Variants in PLOD2 observed in about 807,000 individuals in gnomAD.
PLOD2 encodes the protein lysine hydroxylase 2.
A neutral mutation model predicts 101.0 loss-of-function variants in PLOD2; 65 were observed. The observed-to-expected ratio is 0.64, with a 90% CI of 0.53 to 0.79. PLOD2 has a LOEUF of 0.79. PLOD2 is among the 30% of genes least tolerant of loss of function. PLOD2 has a pLI of 0.00. For synonymous variants in PLOD2, 314 were observed against 302.9 expected, an observed-to-expected ratio of 1.04 and a Z score of -0.38; for missense variants, 909 against 914.6, an observed-to-expected ratio of 0.99 and a Z score of 0.08.
At chr3:146,086,730 T>TA in intron 10 of PLOD2, 57 bp downstream of exon 10, 1 of 1,212,100 alleles carries the variant, frequency 8.3e-7, no homozygotes, top group Non-Finnish European at 1.1e-6. Context: ...AGTTTATTTT[T>TA]TCTTAACGTT....
intron 3 of PLOD2, among the ~76,000 whole-genome samples, chr3:146,120,781 G>C (rs1375806082): frequency 2.6e-5 from 4 of 152,096 alleles, no homozygotes; most frequent in Non-Finnish European, 5.9e-5. Flanking sequence ...ATGGAGTAGA[G>C]TGGCGCAATC....
intron 1 of PLOD2, among the ~76,000 whole-genome samples, chr3:146,153,387 G>T (rs2032156776): frequency 6.6e-6 from 1 of 152,292 alleles, no homozygotes; most frequent in African/African-American, 2.4e-5. Context: ...ACCTGTTAGA[G>T]AATGCATTTT....
At chr3:146,145,437 C>A (rs1247678412) in intron 1 of PLOD2, among the ~76,000 whole-genome samples, 1 of 152,030 alleles carries the variant, frequency 6.6e-6, no homozygotes, top group Non-Finnish European at 1.5e-5. Context: ...TAAATAAATA[C>A]CATGTGTAGT....
At chr3:146,098,265 T>C (rs1046460476) in intron 7 of PLOD2, among the ~76,000 whole-genome samples, 3 of 152,218 alleles carry the variant, frequency 2.0e-5, no homozygotes, top group Non-Finnish European at 4.4e-5. Flanking sequence ...TATTGTTTGA[T>C]ATTTAAAAGA....
At position 146,086,882 on chromosome 3, in the gene PLOD2, C is replaced by T. The variant is rs550149630; in HGVS notation, c.1032G>A (p.Lys344=). ...NKEVYHEKDI[K]VFFDKAKHEI... ...CATGCTTAGCTTTATCAAAAAATAC[C>T]TTGATGTCCTTTTCATGATAAACTT... The change falls in exon 10 of 20, where the codon AAG becomes AAA. Residue 344 remains lysine (K), a synonymous_variant. Coordinates refer to ENST00000282903, the MANE Select transcript of PLOD2 (RefSeq NM_182943.3). 11 of 1,511,400 alleles carry T rather than the reference C, an allele frequency of 7.3e-6. No individual in the cohort carries two copies. In the East Asian group the frequency reaches 2.1e-4, roughly 28 times the overall value. The allele number at this position is 1,511,400 out of a possible 1,614,324, so 93.6% of individuals were successfully genotyped here. A position where few individuals can be genotyped will look rare whatever the true frequency, so the allele number is the denominator to read the frequency against.
At chr3:146,113,910 G>A (rs555638397) in intron 3 of PLOD2, among the ~76,000 whole-genome samples, 6 of 152,234 alleles carry the variant, frequency 3.9e-5, no homozygotes, top group East Asian at 1.9e-4. Context: ...GAGAAATATC[G>A]CTGAATTCTT....
chr3:146,084,548 T>A (rs937526313), intron 11 of PLOD2, among the ~76,000 whole-genome samples: 4 of 152,134 alleles, frequency 2.6e-5, no homozygotes, highest in African/African-American at 9.7e-5. Context: ...TGGCACTTAA[T>A]AAGCACTTGT....
intron 3 of PLOD2, among the ~76,000 whole-genome samples, chr3:146,114,162 C>A (rs965227514): frequency 6.6e-6 from 1 of 152,046 alleles, no homozygotes; most frequent in Non-Finnish European, 1.5e-5. Context: ...ACAATGCATA[C>A]CCGAAATTTC....
chr3:146,152,374 T>C (rs1161535726), intron 1 of PLOD2, among the ~76,000 whole-genome samples: 2 of 151,822 alleles, frequency 1.3e-5, no homozygotes, highest in Non-Finnish European at 2.9e-5. Context: ...GAGCCGAGAT[T>C]GCACCACTCC....
chr3:146,098,083 G>A (rs1295844040), intron 7 of PLOD2, among the ~76,000 whole-genome samples: 1 of 151,988 alleles, frequency 6.6e-6, no homozygotes, highest in Non-Finnish European at 1.5e-5. Context: ...GAGGGCATTA[G>A]GACAAATACA....
chr3:146,124,997 A>G (rs2030466765), intron 1 of PLOD2, among the ~76,000 whole-genome samples: 2 of 152,168 alleles, frequency 1.3e-5, no homozygotes, highest in African/African-American at 4.8e-5. Flanking sequence ...AAGCTACTAC[A>G]GATAATGATT....
chr3:146,143,186 T>C (rs774657082), intron 1 of PLOD2, among the ~76,000 whole-genome samples: 41 of 151,966 alleles, frequency 2.7e-4, no homozygotes, highest in Non-Finnish European at 5.1e-4. Context: ...AATAAACATT[T>C]AGATAACATT....
intron 3 of PLOD2, among the ~76,000 whole-genome samples, chr3:146,116,739 C>T (rs993715734): frequency 6.6e-6 from 1 of 152,046 alleles, no homozygotes; most frequent in Admixed American, 6.6e-5. Flanking sequence ...AAGCCATGCA[C>T]AAAAAGACAG....
intron 7 of PLOD2, among the ~76,000 whole-genome samples, chr3:146,099,880 CTTTTTTT>C (rs5853264): frequency 1.5e-5 from 2 of 129,280 alleles, no homozygotes; most frequent in African/African-American, 5.8e-5. Flanking sequence ...CAGTGACCAA[CTTTTTTT>C]TTTTTTTTTT....
chr3:146,128,880 C>CT lies in PLOD2; in HGVS notation c.110-4652dup, dbSNP rs3975816. 2.2e-3 allele frequency among the ~76,000 whole-genome samples: 162 copies of CT among 73,242 alleles called. 10 individuals carry two copies. Among genetic ancestry groups the CT allele is most frequent in the African/African-American group, 3.3e-3 (62 of 18,538 alleles). 48.0% of individuals were successfully genotyped at this position (73,242 alleles called of 152,430 possible). ...CAGCTTCTGAAGTCCATCTGAAATCCTTTTTTTTTTTTTTTTTTTTTTTTT... is the reference window on the plus strand; with the variant it reads ...CAGCTTCTGAAGTCCATCTGAAATCCTTTTTTTTTTTTTTTTTTTTTTTTTT... On this transcript the variant is annotated intron_variant, in intron 1 of 19. Transcript: ENST00000282903.
At chr3:146,132,812 CA>C (rs902937339) in intron 1 of PLOD2, among the ~76,000 whole-genome samples, 2 of 151,480 alleles carry the variant, frequency 1.3e-5, no homozygotes, top group Non-Finnish European at 2.9e-5. Flanking sequence ...GATTATACTG[CA>C]AAAAAAATCA....
intron 8 of PLOD2, 59 bp downstream of exon 8, chr3:146,091,741 G>T: frequency 1.0e-6 from 1 of 958,032 alleles, no homozygotes; most frequent in Non-Finnish European, 1.7e-6. Context: ...ATAAATCACA[G>T]TATTTCATGA....
chr3:146,120,200 T>G (rs2029997966), intron 3 of PLOD2, among the ~76,000 whole-genome samples: 1 of 152,234 alleles, frequency 6.6e-6, no homozygotes, highest in South Asian at 2.1e-4. Context: ...CCAGTGATGA[T>G]GAGCATTTTT....
chr3:146,085,656 T>C (rs756035196), intron 10 of PLOD2: 36 of 235,830 alleles, frequency 1.5e-4, no homozygotes, highest in African/African-American at 4.5e-4. Context: ...GATGTAAGTA[T>C]ATGACTTTTC....
Sources: allele counts gnomAD v4.1 joint callset (sites outside exome capture counted in the v4.1 genomes callset), GRCh38; gene constraint gnomAD v4.1.1; transcripts MANE v1.5; gene names NCBI Gene and HGNC (gene_info 2026-07-23, HGNC 2026-07-21).